CFAP20DC: variants seen among roughly 807,000 people sequenced by gnomAD.
CFAP20DC encodes CFAP20 domain containing.
CFAP20DC carries 84 observed loss-of-function variants against 101.7 expected under a neutral mutation model. The ratio of observed to expected loss-of-function variants is 0.83; its 90% CI spans 0.69 to 0.99. CFAP20DC has a LOEUF of 0.99. Ranked by LOEUF, CFAP20DC falls within the 50% of genes least tolerant of loss-of-function variation. CFAP20DC has a pLI of 0.00. For synonymous variants in CFAP20DC, 359 were observed against 351.2 expected, an observed-to-expected ratio of 1.02 and a Z score of -0.25; for missense variants, 1,007 against 970.3, an observed-to-expected ratio of 1.04 and a Z score of -0.50.
intron 3 of CFAP20DC, among the ~76,000 whole-genome samples, chr3:58,723,627 A>G (rs1484510508): frequency 6.6e-6 from 1 of 152,240 alleles, no homozygotes; most frequent in Non-Finnish European, 1.5e-5. Context: ...AGTGGTGGTT[A>G]GGAGCAGATT....
intron 4 of CFAP20DC, among the ~76,000 whole-genome samples, chr3:59,027,046 C>T (rs931475): frequency 0.24 from 35,745 of 152,034 alleles, 4,803 homozygotes; most frequent in African/African-American, 0.37. Flanking sequence ...TGTGAGGAAA[C>T]GGAAACACCA....
chr3:58,746,561 C>T (rs1223727469), intron 16 of CFAP20DC, among the ~76,000 whole-genome samples: 2 of 152,108 alleles, frequency 1.3e-5, no homozygotes, highest in Non-Finnish European at 2.9e-5. Flanking sequence ...GAGGTAGATC[C>T]AATTCATTAG....
At chr3:58,730,411 A>G (rs980287907) in intron 3 of CFAP20DC, among the ~76,000 whole-genome samples, 1 of 152,250 alleles carries the variant, frequency 6.6e-6, no homozygotes. Flanking sequence ...CAGTGGTAGA[A>G]GCAGGCAGAT....
chr3:58,777,854 C>T (rs1042367214), intron 15 of CFAP20DC, among the ~76,000 whole-genome samples: 1 of 152,166 alleles, frequency 6.6e-6, no homozygotes, highest in Non-Finnish European at 1.5e-5. Context: ...TGAAGGCATG[C>T]TGCAGAGAGA....
At chr3:58,877,368 A>G (rs1576084820) in intron 7 of CFAP20DC, among the ~76,000 whole-genome samples, 1 of 152,260 alleles carries the variant, frequency 6.6e-6, no homozygotes, top group Non-Finnish European at 1.5e-5. Context: ...GATAAGAGCT[A>G]TGAAGGAACA....
At chr3:58,957,341 A>G (rs1467154602) in intron 4 of CFAP20DC, among the ~76,000 whole-genome samples, 1 of 152,218 alleles carries the variant, frequency 6.6e-6, no homozygotes, top group Non-Finnish European at 1.5e-5. Flanking sequence ...TATCCAAAAG[A>G]TAGGCAATAA....
At chr3:58,937,231 T>C (rs1028403301) in intron 5 of CFAP20DC, among the ~76,000 whole-genome samples, 3 of 152,238 alleles carry the variant, frequency 2.0e-5, no homozygotes, top group Admixed American at 2.0e-4. Context: ...AGGTTACCTC[T>C]TTCCAGCGTC....
At chr3:58,965,972 CA>C (rs1449352369) in intron 4 of CFAP20DC, among the ~76,000 whole-genome samples, 1 of 152,086 alleles carries the variant, frequency 6.6e-6, no homozygotes, top group Non-Finnish European at 1.5e-5. Flanking sequence ...AGAACACTGA[CA>C]AAAATGGTCA....
In CFAP20DC at chr3:58,748,554, T is replaced by C. The variant is rs779295551; in HGVS notation, c.2332+5215A>G. Among the ~76,000 whole-genome samples, 3 of 152,050 alleles carry C rather than the reference T, an allele frequency of 2.0e-5. No homozygotes were observed. In the East Asian group the frequency reaches 5.8e-4, roughly 29 times the overall value. ...GACTCCCCCAGGACCCTGAGAGCTA[T>C]GTAAGAGAAAATATCACCCTACTCA... On this transcript the variant is annotated intron_variant, in intron 16 of 16. Transcript: ENST00000482387.
chr3:58,985,801 C>A (rs1411736245), intron 4 of CFAP20DC, among the ~76,000 whole-genome samples: 1 of 152,188 alleles, frequency 6.6e-6, no homozygotes, highest in Non-Finnish European at 1.5e-5. Flanking sequence ...GCATTTCTCT[C>A]ACTGCATTCT....
At position 58,904,283 on chromosome 3, in the gene CFAP20DC, A is replaced by G. The variant is rs1416046655; in HGVS notation, c.550+9425T>C. The stretch of plus-strand genomic sequence containing the variant: ...TAGAGTTTCTGAGAGATGAGGTTCT[A>G]TTATAAATAATATTTTATAAATGTT... On this transcript the variant is annotated intron_variant, in intron 6 of 16. Coordinates refer to ENST00000482387, the MANE Select transcript of CFAP20DC (RefSeq NM_001394063.1). 2.0e-5 allele frequency among the ~76,000 whole-genome samples: 3 copies of G among 151,948 alleles called. No homozygotes were observed. The East Asian group carries it at 5.8e-4, about 29-fold the overall frequency.
intron 15 of CFAP20DC, among the ~76,000 whole-genome samples, chr3:58,779,650 C>T (rs534878538): frequency 5.3e-5 from 8 of 151,992 alleles, no homozygotes; most frequent in Admixed American, 3.9e-4. Flanking sequence ...TTTGAAATGA[C>T]CCAGTCTGAC....
In CFAP20DC at chr3:59,006,795, T is replaced by C. The variant is rs1020464126; in HGVS notation, c.278+32762A>G. 6.6e-6 allele frequency among the ~76,000 whole-genome samples: 1 copy of C among 152,164 alleles called. No homozygotes were observed. The highest frequency in any genetic ancestry group is 6.5e-5 in the Admixed American group (1 of 15,276). The stretch of plus-strand genomic sequence containing the variant: ...AACTAAATTTTGTAATAGTTTCAAC[T>C]GGACACAAGCTTTCTTGATCAGAAT... On this transcript the variant is annotated intron_variant, in intron 4 of 16. Transcript: ENST00000482387. The surrounding 1 kb of genome is among the most constrained non-coding windows in gnomAD (Gnocchi z 4.3).
chr3:58,894,729 G>A lies in CFAP20DC; in HGVS notation c.551-10020C>T, dbSNP rs1472297038. Among the ~76,000 whole-genome samples the A allele has an allele frequency of 6.6e-6, 1 of 152,188 alleles. No homozygotes were observed. Among genetic ancestry groups the A allele is most frequent in the African/African-American group, 2.4e-5 (1 of 41,452 alleles). ...GGTGCCCCAGTAGGGAGTCTGTGTG[G>A]TGGCTCCAATCCCACATTTCCCTTC... is the stretch of plus-strand genomic sequence containing the variant. On this transcript the variant is annotated intron_variant, in intron 6 of 16. Coordinates refer to ENST00000482387, the MANE Select transcript of CFAP20DC (RefSeq NM_001394063.1). The surrounding 1 kb of genome is among the most constrained non-coding windows in gnomAD (Gnocchi z 4.1).
intron 6 of CFAP20DC, among the ~76,000 whole-genome samples, chr3:58,898,719 C>G (rs1251539515): frequency 6.6e-6 from 1 of 152,146 alleles, no homozygotes; most frequent in Admixed American, 6.5e-5. Flanking sequence ...CCATTTTGTG[C>G]CATTGCTGGA....
At chr3:58,903,227 A>G (rs549779574) in intron 6 of CFAP20DC, among the ~76,000 whole-genome samples, 160 of 152,254 alleles carry the variant, frequency 1.1e-3, no homozygotes, top group Non-Finnish European at 1.7e-3. Context: ...TACTATTGAC[A>G]ATGCAAGGTC....
intron 4 of CFAP20DC, among the ~76,000 whole-genome samples, chr3:58,944,443 G>A (rs1422013677): frequency 1.3e-5 from 2 of 152,190 alleles, no homozygotes; most frequent in African/African-American, 2.4e-5. Flanking sequence ...AAGTAGCAGA[G>A]ACAAGTGTTA....
intron 3 of CFAP20DC, among the ~76,000 whole-genome samples, chr3:58,731,879 T>C (rs1022054816): frequency 2.6e-5 from 4 of 152,188 alleles, no homozygotes; most frequent in Admixed American, 6.5e-5. Context: ...TGTTGGTCAA[T>C]AGTGCCACCA....
At chr3:58,993,539 A>G (rs1323371714) in intron 4 of CFAP20DC, among the ~76,000 whole-genome samples, 3 of 151,988 alleles carry the variant, frequency 2.0e-5, no homozygotes, top group Non-Finnish European at 4.4e-5. Flanking sequence ...CCTAGGTATT[A>G]AGCTCATCAC....
Sources: allele counts gnomAD v4.1 joint callset (sites outside exome capture counted in the v4.1 genomes callset), GRCh38; gene constraint gnomAD v4.1.1; non-coding constraint Gnocchi (gnomAD v3.1); transcripts MANE v1.5; gene names NCBI Gene and HGNC (gene_info 2026-07-23, HGNC 2026-07-21).